The following CTNND2 variants were observed in gnomAD, a reference collection of about 807,000 sequenced individuals.
The protein encoded by CTNND2 is catenin delta-2.
Under a neutral mutation model 144.4 loss-of-function variants are expected in CTNND2, and 22 were observed. The ratio of observed to expected loss-of-function variants is 0.15; its 90% CI spans 0.11 to 0.22. CTNND2 has a LOEUF of 0.22. CTNND2 is among the 10% of genes least tolerant of loss of function. CTNND2 has a pLI of 1.00. For synonymous variants in CTNND2, 751 were observed against 695.6 expected (o/e 1.08, Z -1.25); for missense variants, 1,353 against 1,618.8 (o/e 0.84, Z 2.82).
intron 2 of CTNND2, among the ~76,000 whole-genome samples, chr5:11,657,829 G>A (rs1782994827): frequency 6.6e-6 from 1 of 151,924 alleles, no homozygotes; most frequent in South Asian, 2.1e-4. Context: ...ATGTAACAAA[G>A]TTGTACATGT....
chr5:11,145,973 C>G (rs889263200), intron 12 of CTNND2, among the ~76,000 whole-genome samples: 11 of 152,200 alleles, frequency 7.2e-5, no homozygotes, highest in African/African-American at 2.4e-4. Context: ...CACCGGCAAA[C>G]TCTCCTTCTT....
intron 2 of CTNND2, among the ~76,000 whole-genome samples, chr5:11,705,422 T>G (rs1470270492): frequency 1.3e-5 from 2 of 152,138 alleles, no homozygotes; most frequent in African/African-American, 4.8e-5. Flanking sequence ...CAGAAGTAAT[T>G]CAATAAACTG....
intron 9 of CTNND2, among the ~76,000 whole-genome samples, chr5:11,326,292 T>C (rs956061929): frequency 6.6e-6 from 1 of 152,210 alleles, no homozygotes; most frequent in African/African-American, 2.4e-5. Flanking sequence ...TTGGTTTTTA[T>C]AGATGCAAGA....
At chr5:11,127,555 A>T (rs999535041) in intron 12 of CTNND2, among the ~76,000 whole-genome samples, 2 of 152,164 alleles carry the variant, frequency 1.3e-5, no homozygotes, top group Admixed American at 6.5e-5. Flanking sequence ...CTGACGTTCG[A>T]TAAGCTCTGG....
rs188576910 is a variant in CTNND2 at position 11,426,418 on chromosome 5, T to C, written c.288-14349A>G. On this transcript the variant is annotated intron_variant, in intron 3 of 21. Transcript: ENST00000304623. ...GAAGGCCCCATGCTTGGCTTAATGC[T>C]CTGCTGTTGCCCTCTTAAAACTCTG... Among the ~76,000 whole-genome samples, 304 of 152,326 alleles carry C rather than the reference T, an allele frequency of 2.0e-3. 2 individuals carry two copies. The highest frequency in any genetic ancestry group is 7.0e-3 in the African/African-American group (291 of 41,588).
chr5:11,805,516 A>C (rs900535038), intron 1 of CTNND2, among the ~76,000 whole-genome samples: 1 of 150,932 alleles, frequency 6.6e-6, no homozygotes, highest in Non-Finnish European at 1.5e-5. Flanking sequence ...AAAATAAGGA[A>C]GTACAAATAA....
intron 1 of CTNND2, among the ~76,000 whole-genome samples, chr5:11,828,238 G>A (rs1793702220): frequency 6.6e-6 from 1 of 152,124 alleles, no homozygotes; most frequent in Non-Finnish European, 1.5e-5. Context: ...TTTAAAAAGG[G>A]GAGTTTCCCG....
At chr5:11,319,665 C>T (rs988493779) in intron 9 of CTNND2, among the ~76,000 whole-genome samples, 1 of 152,126 alleles carries the variant, frequency 6.6e-6, no homozygotes, top group Non-Finnish European at 1.5e-5. Flanking sequence ...GGATTACAGG[C>T]TCCTGCCACC....
intron 9 of CTNND2, among the ~76,000 whole-genome samples, chr5:11,278,654 G>C (rs1328856899): frequency 6.6e-6 from 1 of 152,208 alleles, no homozygotes; most frequent in African/African-American, 2.4e-5. Context: ...TGGCCACTTA[G>C]TAAGCTCAGG....
rs539976281 is a variant in CTNND2 at position 11,354,609 on chromosome 5, A to G, written c.1373-7982T>C. Among the ~76,000 whole-genome samples the G allele has an allele frequency of 1.2e-4, 19 of 152,342 alleles. No homozygotes were observed. In the South Asian group the frequency reaches 3.9e-3, roughly 32 times the overall value. On this transcript the variant is annotated intron_variant, in intron 8 of 21. Transcript: ENST00000304623. ...AGTCATATAAATAAATTTTAGAATA[A>G]AGAAAATTATTATTAGACCTAAAGG...
At chr5:11,036,784 C>T (rs540376877) in intron 16 of CTNND2, among the ~76,000 whole-genome samples, 440 of 152,302 alleles carry the variant, frequency 2.9e-3, no homozygotes, top group Middle Eastern at 0.017. Context: ...TTTTCTTCTT[C>T]ACTTTATGAG....
intron 2 of CTNND2, among the ~76,000 whole-genome samples, chr5:11,625,008 AC>A (rs1781074912): frequency 6.6e-6 from 1 of 152,140 alleles, no homozygotes; most frequent in Admixed American, 6.5e-5. Context: ...CCAAAAAAAA[AC>A]AAAGTATTTT....
intron 13 of CTNND2, among the ~76,000 whole-genome samples, chr5:11,116,309 G>A (rs1490219041): frequency 6.6e-6 from 1 of 152,198 alleles, no homozygotes; most frequent in Non-Finnish European, 1.5e-5. Context: ...GGTGGGGATG[G>A]GGGCTGCTAC....
chr5:10,997,026 C>T (rs902000290), intron 18 of CTNND2, among the ~76,000 whole-genome samples: 1 of 151,930 alleles, frequency 6.6e-6, no homozygotes, highest in Non-Finnish European at 1.5e-5. Context: ...TAATGATGGT[C>T]GTCCCAGGAG....
chr5:11,285,158 T>C (rs1001833648), intron 9 of CTNND2, among the ~76,000 whole-genome samples: 1 of 152,226 alleles, frequency 6.6e-6, no homozygotes, highest in Non-Finnish European at 1.5e-5. Context: ...AGGTTATATC[T>C]GCTGCCCCAG....
At chr5:11,523,681 C>A (rs1475421876) in intron 3 of CTNND2, among the ~76,000 whole-genome samples, 1 of 152,188 alleles carries the variant, frequency 6.6e-6, no homozygotes, top group Non-Finnish European at 1.5e-5. Context: ...TCACTGAGGT[C>A]TGAAAAGAAC....
intron 2 of CTNND2, among the ~76,000 whole-genome samples, chr5:11,724,062 A>C (rs1786864548): frequency 6.6e-6 from 1 of 152,144 alleles, no homozygotes; most frequent in Non-Finnish European, 1.5e-5. Flanking sequence ...TTCAAAAAAA[A>C]AAAAAGTATT....
chr5:11,592,216 C>T (rs1330398024), intron 2 of CTNND2, among the ~76,000 whole-genome samples: 1 of 148,128 alleles, frequency 6.8e-6, no homozygotes, highest in African/African-American at 2.5e-5. Flanking sequence ...GCCTTTCTTC[C>T]AGTCTGCCTT....
intron 7 of CTNND2, among the ~76,000 whole-genome samples, chr5:11,366,502 G>A (rs1191457809): frequency 6.6e-6 from 1 of 152,088 alleles, no homozygotes; most frequent in Non-Finnish European, 1.5e-5. Context: ...CAAAGTAACT[G>A]TTTTGCATAA....
Sources: allele counts gnomAD v4.1 joint callset (sites outside exome capture counted in the v4.1 genomes callset), GRCh38; gene constraint gnomAD v4.1.1; transcripts MANE v1.5; gene names NCBI Gene and HGNC (gene_info 2026-07-23, HGNC 2026-07-21).